Variants in USP34 observed in about 807,000 individuals in gnomAD.
USP34 encodes the protein ubiquitin specific peptidase 34, also known as ubiquitin carboxyl-terminal hydrolase 34.
In USP34, 70 loss-of-function variants were observed where a neutral mutation model predicts 460.3. That is an observed-to-expected ratio of 0.15 (90% confidence interval 0.13 to 0.19). The LOEUF is 0.19. USP34 is among the 10% of genes least tolerant of loss of function. USP34 has a pLI of 1.00. For synonymous variants in USP34, 1,647 were observed against 1,405.3 expected (o/e 1.17, Z -3.85); for missense variants, 3,985 against 4,236.2 (o/e 0.94, Z 1.65).
At chr2:61,363,534 C>G (rs1268486904) in intron 10 of USP34, among the ~76,000 whole-genome samples, 1 of 152,170 alleles carries the variant, frequency 6.6e-6, no homozygotes, top group African/African-American at 2.4e-5. Context: ...GCAACTGTAA[C>G]TCAACGGTAA....
At chr2:61,366,137 G>A (rs1014609910) in intron 10 of USP34, among the ~76,000 whole-genome samples, 3 of 152,180 alleles carry the variant, frequency 2.0e-5, no homozygotes, top group African/African-American at 7.2e-5. Context: ...TGTTGGTCAG[G>A]CTGGTCTTGA....
chr2:61,235,997 C>T (rs752207879), intron 56 of USP34, 29 bp downstream of exon 56: 1 of 1,597,428 alleles, frequency 6.3e-7, no homozygotes, highest in South Asian at 1.1e-5. Flanking sequence ...ACATAAATGA[C>T]AAAAAAATCC....
rs1687615958 is a variant in USP34 at position 61,222,488 on chromosome 2, C to CT, written c.7794+130dup. On this transcript the variant is annotated intron_variant, in intron 65 of 79. Coordinates refer to ENST00000398571, the MANE Select transcript of USP34 (RefSeq NM_014709.4). ...TAGTTCATTTTATTCACATTATACA[C>CT]TTAAAAATAGGTTATTATGTTATGG... The CT allele has an allele frequency of 4.5e-6, 3 of 670,410 alleles. No homozygotes were observed. In the Admixed American group the frequency reaches 9.2e-5, roughly 21 times the overall value. 41.5% of individuals were successfully genotyped at this position (670,410 alleles called of 1,614,324 possible). A position where few individuals can be genotyped will look rare whatever the true frequency, so the allele number is the denominator to read the frequency against.
chr2:61,215,237 C>T (rs1687363981), intron 67 of USP34, among the ~76,000 whole-genome samples: 1 of 152,024 alleles, frequency 6.6e-6, no homozygotes, highest in South Asian at 2.1e-4. Context: ...AATTATAGAA[C>T]ATTAACTTTG....
chr2:61,277,068 T>C (rs1689393702), intron 41 of USP34, among the ~76,000 whole-genome samples: 1 of 152,156 alleles, frequency 6.6e-6, no homozygotes, highest in Non-Finnish European at 1.5e-5. Context: ...ACGAAGTGTT[T>C]CCAATATTCA....
At chr2:61,306,145 T>G (rs989291950) in intron 27 of USP34, among the ~76,000 whole-genome samples, 1 of 152,210 alleles carries the variant, frequency 6.6e-6, no homozygotes, top group Non-Finnish European at 1.5e-5. Context: ...CATGAAGTCC[T>G]TGCCCATGCC....
At chr2:61,189,985 G>A in intron 78 of USP34, 1 of 285,116 alleles carries the variant, frequency 3.5e-6, no homozygotes, top group Non-Finnish European at 6.5e-6. Context: ...AACATCACAA[G>A]TATTGTTTCC....
chr2:61,393,487 T>C (rs1345712060), intron 5 of USP34, among the ~76,000 whole-genome samples: 1 of 151,756 alleles, frequency 6.6e-6, no homozygotes, highest in Non-Finnish European at 1.5e-5. Flanking sequence ...CTACTATATG[T>C]AATAATTTCA....
intron 1 of USP34, among the ~76,000 whole-genome samples, chr2:61,437,392 G>A (rs552824477): frequency 2.0e-5 from 3 of 152,102 alleles, no homozygotes; most frequent in East Asian, 1.9e-4. Context: ...AGAGACTGCT[G>A]ACCAACTACG....
In USP34 at chr2:61,370,385, T is replaced by C; in HGVS notation, c.1187A>G (p.Asn396Ser). 6.2e-7 allele frequency: 1 copy of C among 1,614,042 alleles called. No homozygotes were observed. Among genetic ancestry groups the C allele is most frequent in the Non-Finnish European group, 8.5e-7 (1 of 1,179,964 alleles). The change falls in exon 10 of 80, where the codon AAT (asparagine) becomes AGT (serine). Residue 396 changes from asparagine (N) to serine (S), a missense_variant. Physicochemically the swap from Asn to Ser is conservative, Grantham distance 46. Around this residue, in one of 14 missense-constraint regions of USP34, gnomAD observed 716 missense variants for 626.2 expected, o/e 1.14. Transcript: ENST00000398571. ...CAGTCGCCCTTCTGCTGCCAAAAAA[T>C]TCAAAATCACTTGGCACTGTTTGAT... ...EIIKQCQVIL[N>S]FLAAEGRLST...
At chr2:61,416,810 CTT>C (rs538222690) in intron 2 of USP34, 164 of 333,112 alleles carry the variant, frequency 4.9e-4, no homozygotes, top group Middle Eastern at 8.4e-4. Flanking sequence ...CCTCCCTAAT[CTT>C]TTTTTTTTTG....
intron 1 of USP34, among the ~76,000 whole-genome samples, chr2:61,434,869 T>C (rs1694770256): frequency 1.3e-5 from 2 of 151,898 alleles, no homozygotes; most frequent in South Asian, 4.2e-4. Context: ...TCTCCTGTAA[T>C]AGACCCCAAT....
intron 1 of USP34, among the ~76,000 whole-genome samples, chr2:61,421,152 G>A (rs1331324267): frequency 1.3e-5 from 2 of 152,170 alleles, no homozygotes; most frequent in Non-Finnish European, 2.9e-5. Flanking sequence ...CTGTCTTCCT[G>A]TTAAGATCTT....
At chr2:61,405,232 C>CAAAAAAAA (rs199659618) in intron 3 of USP34, among the ~76,000 whole-genome samples, 26 of 78,038 alleles carry the variant, frequency 3.3e-4, no homozygotes, top group Non-Finnish European at 5.0e-4. Flanking sequence ...GACTCCATCT[C>CAAAAAAAA]AAAAAAAAAA....
chr2:61,412,937 G>GTACA (rs2103953326), intron 2 of USP34, among the ~76,000 whole-genome samples: 1 of 150,946 alleles, frequency 6.6e-6, no homozygotes, highest in Admixed American at 6.6e-5. Flanking sequence ...ATCAAGAAGG[G>GTACA]TACAATATCT....
chr2:61,400,422 T>G (rs1044799898), intron 3 of USP34, among the ~76,000 whole-genome samples: 1 of 152,160 alleles, frequency 6.6e-6, no homozygotes, highest in Non-Finnish European at 1.5e-5. Flanking sequence ...GGAAAGGCAA[T>G]TCTATGTAAA....
At chr2:61,235,932 A>C (rs375292014) in intron 56 of USP34, 22 bp from the exon 57 acceptor site, 57 of 1,608,696 alleles carry the variant, frequency 3.5e-5, no homozygotes, top group Admixed American at 1.0e-4. Flanking sequence ...AAGTCAGTCA[A>C]AGCATATGAA....
intron 1 of USP34, among the ~76,000 whole-genome samples, chr2:61,464,318 C>CA: frequency 6.6e-6 from 1 of 152,162 alleles, no homozygotes; most frequent in Non-Finnish European, 1.5e-5. Flanking sequence ...GACTCCGTCT[C>CA]AAAAACACCA....
At chr2:61,275,619 T>C (rs1242839256) in intron 41 of USP34, among the ~76,000 whole-genome samples, 1 of 62,842 alleles carries the variant, frequency 1.6e-5, no homozygotes, top group Non-Finnish European at 4.4e-5. Context: ...CCCTGTCCCT[T>C]TTTTTTTTTT....
Sources: allele counts gnomAD v4.1 joint callset (sites outside exome capture counted in the v4.1 genomes callset), GRCh38; gene constraint gnomAD v4.1.1; regional missense constraint gnomAD v4.1.1; transcripts MANE v1.5; gene names NCBI Gene and HGNC (gene_info 2026-07-23, HGNC 2026-07-21).